BRCA1: variants seen among roughly 807,000 people sequenced by gnomAD.
The protein encoded by BRCA1 is BRCA1 DNA repair associated.
In BRCA1, 140 loss-of-function variants were observed where a neutral mutation model predicts 173.7. That is an observed-to-expected ratio of 0.81 (90% CI 0.70 to 0.93). BRCA1 has a LOEUF of 0.93. Among genes scored for constraint, BRCA1 ranks in the 40% least tolerant of loss-of-function variants. BRCA1 has a pLI of 0.00. For missense variants in BRCA1, 1,983 were observed against 2,172.5 expected (o/e 0.91, Z 1.73); for synonymous variants, 662 against 756.0 (o/e 0.88, Z 2.04).
chr17:43,105,701 A>T (rs1459235592), intron 4 of BRCA1, among the ~76,000 whole-genome samples: 1 of 152,224 alleles, frequency 6.6e-6, no homozygotes, highest in Non-Finnish European at 1.5e-5. Flanking sequence ...AGCACAATTC[A>T]TTCATTCCTT....
intron 3 of BRCA1, among the ~76,000 whole-genome samples, chr17:43,109,493 AAGG>A (rs1002283571): frequency 6.6e-6 from 1 of 152,186 alleles, no homozygotes; most frequent in African/African-American, 2.4e-5. Context: ...AGGTAAGGTC[AAGG>A]AGACTTGGGT....
intron 18 of BRCA1, among the ~76,000 whole-genome samples, chr17:43,058,219 A>G (rs906456889): frequency 6.6e-6 from 1 of 151,632 alleles, no homozygotes; most frequent in African/African-American, 2.4e-5. Context: ...AAAGATACAT[A>G]AAACCTCAGC....
intron 11 of BRCA1, among the ~76,000 whole-genome samples, chr17:43,083,983 G>T (rs2154180246): frequency 6.6e-6 from 1 of 151,146 alleles, no homozygotes; most frequent in Non-Finnish European, 1.5e-5. Flanking sequence ...CCCTGCCTCA[G>T]CCTCTCAAGT....
chr17:43,077,731 TTTTA>T (rs2052802603), intron 12 of BRCA1, among the ~76,000 whole-genome samples: 1 of 141,392 alleles, frequency 7.1e-6, no homozygotes, highest in Non-Finnish European at 1.5e-5. Context: ...ATTTATTTAT[TTTTA>T]TTTATTTATT....
At chr17:43,070,853 C>T in intron 15 of BRCA1, 75 bp downstream of exon 15, 1 of 1,512,400 alleles carries the variant, frequency 6.6e-7, no homozygotes, top group Non-Finnish European at 9.1e-7. Flanking sequence ...TATTAATTGA[C>T]AATACCTACA....
intron 1 of BRCA1, among the ~76,000 whole-genome samples, chr17:43,135,561 C>T (rs2056012866): frequency 6.6e-6 from 1 of 152,138 alleles, no homozygotes; most frequent in South Asian, 2.1e-4. Flanking sequence ...GGGGCTGTAG[C>T]CTTCATCCGC....
rs924299929 is a variant in BRCA1 at position 43,099,977 on chromosome 17, C to T, written c.442-97G>A. 8.0e-5 allele frequency: 76 copies of T among 950,848 alleles called. 2 individuals are homozygous for T. The highest frequency in any genetic ancestry group is 6.3e-4 in the Middle Eastern group (3 of 4,760). 58.9% of individuals were successfully genotyped at this position (950,848 alleles called of 1,614,324 possible). A position where few individuals can be genotyped will look rare whatever the true frequency, so the allele number is the denominator to read the frequency against. ...TGACACCATGGACAAAATAAATTGA[C>T]CATCATCAGTCAGCTAACATGTATG... is the stretch of plus-strand genomic sequence containing the variant. On this transcript the variant is annotated intron_variant, in intron 6 of 22. Coordinates refer to ENST00000357654, the MANE Select transcript of BRCA1 (RefSeq NM_007294.4).
At position 43,077,166 on chromosome 17, in the gene BRCA1, G is replaced by A. The variant is rs542317419; in HGVS notation, c.4358-552C>T. On this transcript the variant is annotated intron_variant, in intron 12 of 22. Transcript: ENST00000357654. ...ATTTTGCTTCACATTTTCAATTACC[G>A]AAAAAAAAGAAAAAAACAAATAAAC... Among the ~76,000 whole-genome samples the A allele has an allele frequency of 3.3e-3, 499 of 150,566 alleles. 1 individual carries two copies. Among genetic ancestry groups the A allele is most frequent in the Non-Finnish European group, 4.9e-3 (329 of 67,618 alleles).
At chr17:43,103,004 T>C (rs376210174) in intron 6 of BRCA1, among the ~76,000 whole-genome samples, 18 of 151,218 alleles carry the variant, frequency 1.2e-4, no homozygotes, top group African/African-American at 4.4e-4. Context: ...CAAGCTGGGC[T>C]CAAAGGACCT....
intron 11 of BRCA1, among the ~76,000 whole-genome samples, chr17:43,089,017 A>G (rs1171162121): frequency 6.6e-6 from 1 of 152,202 alleles, no homozygotes. Context: ...CACTTCTACA[A>G]ATAAAAATTA....
chr17:43,102,936 G>C (rs950973051), intron 6 of BRCA1, among the ~76,000 whole-genome samples: 4 of 148,266 alleles, frequency 2.7e-5, no homozygotes, highest in African/African-American at 4.9e-5. Flanking sequence ...CGTGAGCCAC[G>C]GCACCCAGCT....
At chr17:43,058,128 GGAGGCT>G (rs2051590556) in intron 18 of BRCA1, among the ~76,000 whole-genome samples, 1 of 151,934 alleles carries the variant, frequency 6.6e-6, no homozygotes, top group Non-Finnish European at 1.5e-5. Context: ...TGGCACTTTG[GGAGGCT>G]GAGGCAGGAG....
rs147420429 is a variant in BRCA1 at position 43,118,065 on chromosome 17, T to C, written c.81-2286A>G. On this transcript the variant is annotated intron_variant, in intron 2 of 22. Coordinates refer to ENST00000357654, the MANE Select transcript of BRCA1 (RefSeq NM_007294.4). Reference sequence around the variant, plus strand: ...AAGGGGAAACAGGTAGTTCAATATCTATGTGGGGGTGAGATGTACATGGGG... The same window carrying C: ...AAGGGGAAACAGGTAGTTCAATATCCATGTGGGGGTGAGATGTACATGGGG... 2.0e-5 allele frequency among the ~76,000 whole-genome samples: 3 copies of C among 151,620 alleles called. No homozygotes were observed. The highest frequency in any genetic ancestry group is 2.9e-5 in the Non-Finnish European group (2 of 67,912).
chr17:43,071,076 C>T lies in BRCA1; in HGVS notation c.4838G>A (p.Ser1613Asn), dbSNP rs1555580821. 6.2e-7 allele frequency: 1 copy of T among 1,614,156 alleles called. No individual in the cohort carries two copies. The highest frequency in any genetic ancestry group is 1.1e-5 in the South Asian group (1 of 91,086). ...PQLKVAESAQSPAAAHTTDTA... is the reference protein window; with the variant it reads ...PQLKVAESAQNPAAAHTTDTA... ...ATCAGTAGTATGAGCAGCAGCTGGACTCTGGGCAGATTCTGCAACTTTCAA... is the reference window on the plus strand; with the variant it reads ...ATCAGTAGTATGAGCAGCAGCTGGATTCTGGGCAGATTCTGCAACTTTCAA... The change falls in exon 15 of 23, where the codon AGT becomes AAT. Residue 1613 changes from serine to asparagine, a missense_variant. Coordinates refer to ENST00000357654, the MANE Select transcript of BRCA1 (RefSeq NM_007294.4).
chr17:43,117,595 T>C (rs1224731660), intron 2 of BRCA1, among the ~76,000 whole-genome samples: 2 of 151,808 alleles, frequency 1.3e-5, no homozygotes, highest in African/African-American at 4.8e-5. Context: ...CAAAACTAAC[T>C]GGGCATGGTG....
At chr17:43,159,253 C>A (rs755542621) in intron 1 of BRCA1, among the ~76,000 whole-genome samples, 1 of 152,234 alleles carries the variant, frequency 6.6e-6, no homozygotes, top group South Asian at 2.1e-4. Context: ...TATAAAAAAA[C>A]CTCTGCATTT....
chr17:43,070,660 C>A, intron 15 of BRCA1, among the ~76,000 whole-genome samples: 1 of 152,084 alleles, frequency 6.6e-6, no homozygotes, highest in East Asian at 1.9e-4. Context: ...AATTCCAATT[C>A]GAAAGTCCTA....
chr17:43,136,624 G>A (rs1198683671), intron 1 of BRCA1, among the ~76,000 whole-genome samples: 2 of 152,156 alleles, frequency 1.3e-5, no homozygotes, highest in Admixed American at 6.5e-5. Context: ...AGTGGGCAAA[G>A]GATATGAGCA....
At chr17:43,151,237 A>G (rs998573136) in intron 1 of BRCA1, among the ~76,000 whole-genome samples, 6 of 152,220 alleles carry the variant, frequency 3.9e-5, no homozygotes, top group East Asian at 3.8e-4. Flanking sequence ...TTTTGTATCT[A>G]TGACTGTCAA....
Sources: allele counts gnomAD v4.1 joint callset (sites outside exome capture counted in the v4.1 genomes callset), GRCh38; gene constraint gnomAD v4.1.1; transcripts MANE v1.5; gene names NCBI Gene and HGNC (gene_info 2026-07-23, HGNC 2026-07-21).